Variants in TDRD1 observed in about 807,000 individuals in gnomAD.
The protein encoded by TDRD1 is tudor domain-containing protein 1.
Under a neutral mutation model 140.6 loss-of-function variants are expected in TDRD1, and 37 were observed. The observed-to-expected ratio is 0.26, with a 90% CI of 0.20 to 0.35. TDRD1 has a LOEUF of 0.35. Ranked by LOEUF, TDRD1 falls within the 10% of genes least tolerant of loss-of-function variation. TDRD1 has a pLI of 1.00. For synonymous variants in TDRD1, 506 were observed against 475.7 expected (o/e 1.06, Z -0.83); for missense variants, 1,243 against 1,393.0 (o/e 0.89, Z 1.71).
chr10:114,229,887 G>C (rs1007147325), intron 25 of TDRD1, among the ~76,000 whole-genome samples: 1 of 150,438 alleles, frequency 6.6e-6, no homozygotes, highest in Non-Finnish European at 1.5e-5. Flanking sequence ...CTGGAGTGCA[G>C]TGGCGCTATC....
intron 2 of TDRD1, among the ~76,000 whole-genome samples, chr10:114,189,994 T>A (rs1335579013): frequency 6.6e-6 from 1 of 152,212 alleles, no homozygotes; most frequent in East Asian, 1.9e-4. Flanking sequence ...TTTGGTGTAC[T>A]ATTAAAGGCA....
intron 3 of TDRD1, among the ~76,000 whole-genome samples, chr10:114,193,204 A>G (rs1455169373): frequency 7.1e-6 from 1 of 141,124 alleles, no homozygotes; most frequent in Non-Finnish European, 1.5e-5. Flanking sequence ...ATACTGTTGT[A>G]TTTCTTTCCC....
At chr10:114,213,417 A>G (rs1470904973) in exon 15 of TDRD1, 8 of 1,613,956 alleles carry the variant, frequency 5.0e-6, no homozygotes, top group Admixed American at 3.3e-5. Flanking sequence ...ACAGAACAAA[A>G]TAATCACAGT....
intron 1 of TDRD1, among the ~76,000 whole-genome samples, chr10:114,180,655 G>C (rs2032977001): frequency 6.6e-6 from 1 of 152,150 alleles, no homozygotes; most frequent in Non-Finnish European, 1.5e-5. Context: ...AGTAGAGACA[G>C]GGTTTCACCA....
chr10:114,181,539 T>C (rs948206836), intron 1 of TDRD1, among the ~76,000 whole-genome samples: 41 of 152,198 alleles, frequency 2.7e-4, no homozygotes, highest in Non-Finnish European at 2.8e-4. Flanking sequence ...AGATGCTAAG[T>C]CTTACTGGTG....
At chr10:114,217,626 T>C in exon 17 of TDRD1, 1 of 1,604,578 alleles carries the variant, frequency 6.2e-7, no homozygotes, top group Non-Finnish European at 8.5e-7. Flanking sequence ...AAGGCAGAGA[T>C]AGGACAACCT....
chr10:114,224,905 A>G (rs943468491), intron 21 of TDRD1, among the ~76,000 whole-genome samples: 3 of 152,132 alleles, frequency 2.0e-5, no homozygotes, highest in African/African-American at 4.8e-5. Flanking sequence ...TGTATTTAAG[A>G]TGGGGCACTG....
At chr10:114,184,002 C>T (rs999635703) in intron 1 of TDRD1, among the ~76,000 whole-genome samples, 1 of 151,852 alleles carries the variant, frequency 6.6e-6, no homozygotes, top group African/African-American at 2.4e-5. Flanking sequence ...GTAGAGGTAC[C>T]AAGTCAGTGG....
At position 114,214,894 on chromosome 10, in the gene TDRD1, C is replaced by T. The variant is rs12253111; in HGVS notation, c.2212+780C>T. Among the ~76,000 whole-genome samples, 274 of 152,150 alleles carry T rather than the reference C, an allele frequency of 1.8e-3. 1 individual carries two copies. Among genetic ancestry groups the T allele is most frequent in the African/African-American group, 5.9e-3 (245 of 41,514 alleles). On this transcript the variant is annotated intron_variant, in intron 16 of 25. Transcript: ENST00000251864. ...CTGGGACTATAGGCATGTGCCACCACGCCCAGTTAATTTTTTTTTTGTATT... is the reference window on the plus strand; with the variant it reads ...CTGGGACTATAGGCATGTGCCACCATGCCCAGTTAATTTTTTTTTTGTATT...
chr10:114,184,785 T>C (rs1190498661), intron 1 of TDRD1, among the ~76,000 whole-genome samples: 1 of 152,204 alleles, frequency 6.6e-6, no homozygotes, highest in Admixed American at 6.5e-5. Context: ...TCCTTTGTGA[T>C]TTTTTTAACT....
Position 114,191,035 on chromosome 10 carries a change from G to C in TDRD1, c.384+16G>C. On this transcript the variant is annotated intron_variant, in intron 3 of 25. Coordinates refer to ENST00000251864, the Ensembl canonical transcript of TDRD1. The stretch of plus-strand genomic sequence containing the variant: ...AGTGAATATTGTAAGTTATTTTATT[G>C]TGTGTGTGCTTGTTTGGGTAAAAGA... 6.2e-7 allele frequency: 1 copy of C among 1,611,658 alleles called. No individual in the cohort carries two copies. Among genetic ancestry groups the C allele is most frequent in the Non-Finnish European group, 8.5e-7 (1 of 1,178,360 alleles).
chr10:114,212,795 C>T (rs1027415131), intron 14 of TDRD1, among the ~76,000 whole-genome samples: 4 of 152,120 alleles, frequency 2.6e-5, no homozygotes, highest in African/African-American at 7.2e-5. Flanking sequence ...TATAATTTTC[C>T]TACCTACCAT....
chr10:114,192,673 A>G (rs918519468), intron 3 of TDRD1, among the ~76,000 whole-genome samples: 2 of 152,080 alleles, frequency 1.3e-5, no homozygotes, highest in African/African-American at 4.8e-5. Context: ...GTTTTTGCCT[A>G]TGTATATTCA....
exon 2 of TDRD1, chr10:114,187,991 A>G: frequency 4.3e-6 from 7 of 1,614,216 alleles, no homozygotes; most frequent in Non-Finnish European, 5.9e-6. Flanking sequence ...CCCTAATTTC[A>G]GGCTGAAAAG....
intron 12 of TDRD1, 40 bp from the exon 13 acceptor site, chr10:114,210,820 A>G: frequency 1.2e-6 from 2 of 1,612,588 alleles, no homozygotes; most frequent in Non-Finnish European, 1.7e-6. Flanking sequence ...GAAATAATGT[A>G]TAGATACGTA....
chr10:114,175,216 C>T (rs190533789), upstream of TDRD1, among the ~76,000 whole-genome samples: 1 of 152,132 alleles, frequency 6.6e-6, no homozygotes, highest in Admixed American at 6.5e-5. Flanking sequence ...ACCAAGCCTT[C>T]CTAGGGAGAC....
intron 14 of TDRD1, among the ~76,000 whole-genome samples, chr10:114,212,601 A>G (rs1274084521): frequency 6.6e-6 from 1 of 152,188 alleles, no homozygotes; most frequent in African/African-American, 2.4e-5. Flanking sequence ...TTGTTTTGTA[A>G]GTTACTTGGC....
chr10:114,181,670 C>A (rs1473701411), intron 1 of TDRD1, among the ~76,000 whole-genome samples: 8 of 151,994 alleles, frequency 5.3e-5, no homozygotes, highest in African/African-American at 1.9e-4. Context: ...TCTGGTGAAA[C>A]CCCGTCTCTA....
chr10:114,210,806 T>C (rs2035434178), intron 12 of TDRD1, 54 bp from the exon 13 acceptor site: 1 of 1,612,858 alleles, frequency 6.2e-7, no homozygotes, highest in Non-Finnish European at 8.5e-7. Context: ...AGACTTGACA[T>C]GTAGAAATAA....
Sources: gnomAD v4.1 joint callset for allele counts (sites outside exome capture counted in the v4.1 genomes callset) on GRCh38, gnomAD v4.1.1 for gene constraint, MANE v1.5 for transcripts, NCBI Gene and HGNC (gene_info 2026-07-23, HGNC 2026-07-21) for gene names.